The following COL23A1 variants were observed in gnomAD, a reference collection of about 807,000 sequenced individuals.
COL23A1 encodes the protein collagen type XXIII alpha 1 chain.
In COL23A1, 97 loss-of-function variants were observed where a neutral mutation model predicts 99.3. That is an observed-to-expected ratio of 0.98 (90% CI 0.83 to 1.16). The LOEUF (loss-of-function observed/expected upper bound fraction) is 1.16. Among genes scored for constraint, COL23A1 ranks in the 50% most tolerant of loss-of-function variants. The pLI is 0.00. For synonymous variants in COL23A1, 320 were observed against 308.2 expected (o/e 1.04, Z -0.40); for missense variants, 762 against 757.4 (o/e 1.01, Z -0.07).
intron 3 of COL23A1, among the ~76,000 whole-genome samples, chr5:178,299,272 T>C (rs145781937): frequency 7.5e-4 from 115 of 152,382 alleles, no homozygotes; most frequent in African/African-American, 2.7e-3. Context: ...AGTGAAGCCA[T>C]CCGATTCTGG....
chr5:178,338,104 G>A (rs1760450051), intron 2 of COL23A1, among the ~76,000 whole-genome samples: 1 of 152,116 alleles, frequency 6.6e-6, no homozygotes, highest in Non-Finnish European at 1.5e-5. Context: ...TATGGGCAGG[G>A]GAACTGACCC....
chr5:178,361,029 C>T (rs1390269661), intron 2 of COL23A1, among the ~76,000 whole-genome samples: 16 of 152,358 alleles, frequency 1.1e-4, no homozygotes, highest in Admixed American at 6.5e-4. Flanking sequence ...TGGCCACATC[C>T]TTGCTACATC....
chr5:178,242,336 C>G lies in COL23A1; in HGVS notation c.1494+5G>C. 1 of 1,613,836 alleles carries G rather than the reference C, an allele frequency of 6.2e-7. No individual in the cohort carries two copies. Among genetic ancestry groups the G allele is most frequent in the East Asian group, 2.2e-5 (1 of 44,848 alleles). Reference sequence around the variant, plus strand: ...CTGCCCCAGCTCCCGTCCAGCTGCCCTCACCTTCTCTCCACGCTCGCTCCG... The same window carrying G: ...CTGCCCCAGCTCCCGTCCAGCTGCCGTCACCTTCTCTCCACGCTCGCTCCG... On this transcript the variant is annotated splice_donor_5th_base_variant and intron_variant, in intron 26 of 28. Coordinates refer to ENST00000390654, the MANE Select transcript of COL23A1 (RefSeq NM_173465.4).
At chr5:178,253,489 T>A (rs1765142863) in intron 16 of COL23A1, among the ~76,000 whole-genome samples, 1 of 151,928 alleles carries the variant, frequency 6.6e-6, no homozygotes, top group Admixed American at 6.6e-5. Context: ...TTTTTATTTT[T>A]TTTTTATTTT....
Position 178,362,474 on chromosome 5 carries a change from G to A in COL23A1, c.362-55555C>T, listed in dbSNP as rs114107369. On this transcript the variant is annotated intron_variant, in intron 2 of 28. Coordinates refer to ENST00000390654, the MANE Select transcript of COL23A1 (RefSeq NM_173465.4). ...CAAGCAGCCACTCTCTCTTTTTTTT[G>A]CCACCAGCACCTCACTTTTCCTTTG... Among the ~76,000 whole-genome samples, 1,352 of 150,092 alleles carry A rather than the reference G, an allele frequency of 9.0e-3. 11 individuals carry two copies. Among genetic ancestry groups the A allele is most frequent in the African/African-American group, 0.031 (1,268 of 41,010 alleles).
chr5:178,407,368 G>A (rs1764821694), intron 2 of COL23A1, among the ~76,000 whole-genome samples: 1 of 152,194 alleles, frequency 6.6e-6, no homozygotes, highest in Non-Finnish European at 1.5e-5. Context: ...GCCAGCTGAA[G>A]CACAAGATTT....
chr5:178,562,458 G>A (rs912024125), intron 1 of COL23A1: 13 of 157,204 alleles, frequency 8.3e-5, no homozygotes, highest in Non-Finnish European at 1.4e-4. Context: ...CAGAGGCTGA[G>A]GCAGGAGAAT....
rs202138697 is a variant in COL23A1 at position 178,242,075 on chromosome 5, C to T, written c.1548G>A (p.Pro516=). 1,904 of 1,553,984 alleles carry T rather than the reference C, an allele frequency of 1.2e-3. 5 individuals carry two copies. The highest frequency in any genetic ancestry group is 8.5e-4 in the Non-Finnish European group (975 of 1,148,384). The change falls in exon 27 of 29, where the codon CCG becomes CCA. Residue 516 remains proline, a synonymous_variant. Transcript: ENST00000390654. ...RKGVKGQKGE[P]GPPGLDQPCP... ...ACGGCTGGTCCAGGCCTGGTGGTCC[C>T]GGCTCGCCCTTCTGGCCCTTCACTC... is the stretch of plus-strand genomic sequence containing the variant.
chr5:178,488,837 G>T (rs956023116), intron 2 of COL23A1, among the ~76,000 whole-genome samples: 61 of 152,330 alleles, frequency 4.0e-4, no homozygotes, highest in African/African-American at 1.3e-3. Context: ...GCTCTGCCAG[G>T]CTTAGGAAGG....
intron 2 of COL23A1, among the ~76,000 whole-genome samples, chr5:178,532,593 G>A (rs522047): frequency 0.51 from 77,219 of 152,052 alleles, 19,984 homozygotes; most frequent in Non-Finnish European, 0.57. Context: ...TGAGTCTTGA[G>A]GCATTTAAGA....
intron 2 of COL23A1, among the ~76,000 whole-genome samples, chr5:178,403,408 C>T (rs1180157534): frequency 6.6e-6 from 1 of 152,180 alleles, no homozygotes; most frequent in African/African-American, 2.4e-5. Flanking sequence ...ACTTGCCCTT[C>T]CTTCCCTTGG....
chr5:178,344,074 A>G (rs1414166986), intron 2 of COL23A1, among the ~76,000 whole-genome samples: 2 of 152,208 alleles, frequency 1.3e-5, no homozygotes, highest in East Asian at 3.8e-4. Context: ...ACTTTTAGAA[A>G]AGAAATGAAC....
At chr5:178,377,038 G>C (rs1763106425) in intron 2 of COL23A1, among the ~76,000 whole-genome samples, 1 of 152,198 alleles carries the variant, frequency 6.6e-6, no homozygotes. Context: ...ACCGGCTGGA[G>C]GATGTCTCAA....
At chr5:178,385,492 A>G (rs2127743155) in intron 2 of COL23A1, among the ~76,000 whole-genome samples, 1 of 152,218 alleles carries the variant, frequency 6.6e-6, no homozygotes, top group East Asian at 1.9e-4. Context: ...CAGGCTCCAG[A>G]CTGTTGGAGC....
intron 2 of COL23A1, among the ~76,000 whole-genome samples, chr5:178,420,919 C>T (rs1454514870): frequency 1.3e-5 from 2 of 151,516 alleles, no homozygotes; most frequent in Non-Finnish European, 2.9e-5. Context: ...CAAGGAAAAC[C>T]CTCATGGAAG....
intron 2 of COL23A1, among the ~76,000 whole-genome samples, chr5:178,533,204 C>A (rs1370058252): frequency 6.6e-6 from 1 of 152,186 alleles, no homozygotes; most frequent in Admixed American, 6.5e-5. Flanking sequence ...AAAGTGTATG[C>A]AGCATAAAAT....
rs1763591902 is a variant in COL23A1 at position 178,384,963 on chromosome 5, C to G, written c.362-78044G>C. Among the ~76,000 whole-genome samples the G allele has an allele frequency of 6.6e-6, 1 of 152,316 alleles. No homozygotes were observed. The highest frequency in any genetic ancestry group is 2.1e-4 in the South Asian group (1 of 4,824). On this transcript the variant is annotated intron_variant, in intron 2 of 28. Coordinates refer to ENST00000390654, the MANE Select transcript of COL23A1 (RefSeq NM_173465.4). This position sits in a 1 kb window ranked among gnomAD's most constrained non-coding sequence, Gnocchi z 5.5. ...GCCCAGCCTCCCTGCCTGCCCCATC[C>G]AAGCCACCACACTGGGCTGCCCAGC...
At chr5:178,569,599 A>T (rs1440208860) in intron 1 of COL23A1, among the ~76,000 whole-genome samples, 1 of 152,240 alleles carries the variant, frequency 6.6e-6, no homozygotes, top group Non-Finnish European at 1.5e-5. Flanking sequence ...CACACTGACT[A>T]TATCACAGTT....
chr5:178,561,862 G>A, intron 1 of COL23A1: 1 of 272,034 alleles, frequency 3.7e-6, no homozygotes, highest in Non-Finnish European at 7.4e-6. Flanking sequence ...GGCCCTGTCT[G>A]CCTCTGACTG....
Sources: gnomAD v4.1 joint callset for allele counts (sites outside exome capture counted in the v4.1 genomes callset) on GRCh38, gnomAD v4.1.1 for gene constraint, Gnocchi (gnomAD v3.1) non-coding constraint, MANE v1.5 for transcripts, NCBI Gene and HGNC (gene_info 2026-07-23, HGNC 2026-07-21) for gene names.